Variants in NCOA1 observed in about 807,000 individuals in gnomAD.
NCOA1 encodes Hin-2 protein.
In NCOA1, 35 loss-of-function variants were observed where a neutral mutation model predicts 150.9. The observed-to-expected ratio is 0.23, with a 90% CI of 0.18 to 0.31. The LOEUF (loss-of-function observed/expected upper bound fraction) is 0.31. NCOA1 is among the 10% of genes least tolerant of loss of function. The pLI is 1.00. For synonymous variants in NCOA1, 590 were observed against 630.0 expected (o/e 0.94, Z 0.95); for missense variants, 1,491 against 1,749.3 (o/e 0.85, Z 2.63).
intron 1 of NCOA1, among the ~76,000 whole-genome samples, chr2:24,537,070 A>C (rs1449950097): frequency 6.6e-6 from 1 of 152,032 alleles, no homozygotes; most frequent in Non-Finnish European, 1.5e-5. Flanking sequence ...AGACTTCACT[A>C]CTATACAATT....
chr2:24,587,670 G>C (rs1390449731), intron 3 of NCOA1, among the ~76,000 whole-genome samples: 2 of 151,990 alleles, frequency 1.3e-5, no homozygotes, highest in African/African-American at 4.8e-5. Flanking sequence ...TATTTTCTTT[G>C]GGTCATTGTG....
intron 19 of NCOA1, among the ~76,000 whole-genome samples, chr2:24,744,758 T>C (rs1663805539): frequency 6.6e-6 from 1 of 152,226 alleles, no homozygotes; most frequent in Non-Finnish European, 1.5e-5. Flanking sequence ...CCAGTTGTTT[T>C]GGTAAATAAA....
chr2:24,757,863 C>A, intron 20 of NCOA1, 110 bp from the exon 21 acceptor site: 1 of 953,714 alleles, frequency 1.0e-6, no homozygotes, highest in Non-Finnish European at 1.6e-6. Flanking sequence ...AAGTTACAGT[C>A]ATACATGCAA....
chr2:24,690,370 C>T (rs1253892899), intron 8 of NCOA1, among the ~76,000 whole-genome samples: 1 of 151,858 alleles, frequency 6.6e-6, no homozygotes. Flanking sequence ...AAAAAGCAGC[C>T]TTGGCCAGGC....
chr2:24,721,062 T>G (rs1377742356), intron 14 of NCOA1, among the ~76,000 whole-genome samples: 1 of 152,222 alleles, frequency 6.6e-6, no homozygotes, highest in Non-Finnish European at 1.5e-5. Context: ...TTTCTTTTCC[T>G]TGCCATTTTG....
intron 3 of NCOA1, among the ~76,000 whole-genome samples, chr2:24,586,760 C>CTA (rs1667429277): frequency 6.6e-6 from 1 of 152,092 alleles, no homozygotes; most frequent in South Asian, 2.1e-4. Context: ...GGCCAGCTTG[C>CTA]TATACTTCTT....
chr2:24,630,167 C>T (rs1005643168), intron 3 of NCOA1, among the ~76,000 whole-genome samples: 8 of 152,072 alleles, frequency 5.3e-5, no homozygotes, highest in Admixed American at 3.9e-4. Context: ...TGTTTACTCT[C>T]TGAACAATTC....
At chr2:24,640,099 A>G (rs1572528203) in intron 3 of NCOA1, among the ~76,000 whole-genome samples, 2 of 151,578 alleles carry the variant, frequency 1.3e-5, no homozygotes, top group Non-Finnish European at 2.9e-5. Flanking sequence ...ATTAACAGGT[A>G]TGTTGTCAAA....
chr2:24,701,376 A>G (rs986447698), intron 11 of NCOA1, among the ~76,000 whole-genome samples: 1 of 151,850 alleles, frequency 6.6e-6, no homozygotes, highest in African/African-American at 2.4e-5. Context: ...TAGGCGTGGC[A>G]CACAGGTATG....
chr2:24,637,828 G>A (rs990214679), intron 3 of NCOA1, among the ~76,000 whole-genome samples: 5 of 151,966 alleles, frequency 3.3e-5, no homozygotes, highest in South Asian at 2.1e-4. Flanking sequence ...CCCAAGTAGC[G>A]GGAATTAAAG....
intron 14 of NCOA1, among the ~76,000 whole-genome samples, chr2:24,718,360 A>G (rs1208251841): frequency 2.6e-5 from 4 of 152,190 alleles, no homozygotes; most frequent in Admixed American, 2.0e-4. Context: ...TTACATTGCT[A>G]ATGGCATGTA....
chr2:24,504,725 T>C (rs1663618230), intron 1 of NCOA1, among the ~76,000 whole-genome samples: 1 of 152,196 alleles, frequency 6.6e-6, no homozygotes, highest in African/African-American at 2.4e-5. Flanking sequence ...ATCTTTAGAA[T>C]GGATATTTGA....
chr2:24,572,804 A>G (rs1666794520), intron 2 of NCOA1, among the ~76,000 whole-genome samples: 1 of 152,204 alleles, frequency 6.6e-6, no homozygotes, highest in Non-Finnish European at 1.5e-5. Flanking sequence ...TTTATTTTCC[A>G]AAGGCCAGTT....
intron 2 of NCOA1, among the ~76,000 whole-genome samples, chr2:24,574,206 C>T (rs1666857636): frequency 6.6e-6 from 1 of 151,988 alleles, no homozygotes; most frequent in South Asian, 2.1e-4. Context: ...TAAGCGAATA[C>T]TATTTATTAA....
Position 24,741,967 on chromosome 2 carries a change from G to C in NCOA1, c.3487G>C (p.Ala1163Pro). ...QMGNPRLPQG[A>P]PQQFPYPPNY... Reference sequence around the variant, plus strand: ...GGGGAACCCCCGTCTTCCTCAGGGTGCTCCACAGCAATTCCCCTATCCACC... The same window carrying C: ...GGGGAACCCCCGTCTTCCTCAGGGTCCTCCACAGCAATTCCCCTATCCACC... Residue 1163 changes from alanine (A) to proline (P), a missense_variant, in exon 19 of 23, where the codon GCT becomes CCT. Transcript: ENST00000348332. The C allele has an allele frequency of 6.2e-7, 1 of 1,614,210 alleles. No homozygotes were observed. The highest frequency in any genetic ancestry group is 8.5e-7 in the Non-Finnish European group (1 of 1,180,040).
intron 3 of NCOA1, among the ~76,000 whole-genome samples, chr2:24,622,083 TAGG>T (rs1311665338): frequency 3.9e-5 from 6 of 152,152 alleles, no homozygotes; most frequent in African/African-American, 1.4e-4. Flanking sequence ...ATGATGAACA[TAGG>T]AGAAGGAGAA....
intron 11 of NCOA1, among the ~76,000 whole-genome samples, chr2:24,698,037 A>G (rs1672980760): frequency 6.6e-6 from 1 of 152,140 alleles, no homozygotes; most frequent in South Asian, 2.1e-4. Context: ...TCATTCATTC[A>G]TTCAGCAGGC....
At chr2:24,750,305 A>G (rs1384091610) in intron 19 of NCOA1, among the ~76,000 whole-genome samples, 2 of 152,208 alleles carry the variant, frequency 1.3e-5, no homozygotes, top group Admixed American at 6.5e-5. Context: ...ATAATTTTTA[A>G]AAGGAAGAAC....
At chr2:24,586,995 C>T (rs1026211083) in intron 3 of NCOA1, among the ~76,000 whole-genome samples, 3 of 152,060 alleles carry the variant, frequency 2.0e-5, no homozygotes, top group Admixed American at 1.3e-4. Flanking sequence ...TGGACCCTTT[C>T]CCGTTTCTCA....
Sources: gnomAD v4.1 joint callset for allele counts (sites outside exome capture counted in the v4.1 genomes callset) on GRCh38, gnomAD v4.1.1 for gene constraint, MANE v1.5 for transcripts, NCBI Gene and HGNC (gene_info 2026-07-23, HGNC 2026-07-21) for gene names.